Variants in GMDS observed in about 807,000 individuals in gnomAD.
GMDS encodes the protein GDP-mannose 4,6-dehydratase, also known as GDP-mannose 4,6 dehydratase.
A neutral mutation model predicts 49.9 loss-of-function variants in GMDS; 20 were observed. The observed-to-expected ratio is 0.40, with a 90% CI of 0.28 to 0.58. The LOEUF is 0.58. Ranked by LOEUF, GMDS falls within the 20% of genes least tolerant of loss-of-function variation. GMDS has a pLI of 0.42. For missense variants in GMDS, 362 were observed against 481.4 expected, an observed-to-expected ratio of 0.75 and a Z score of 2.32; for synonymous variants, 177 against 178.6, an observed-to-expected ratio of 0.99 and a Z score of 0.07.
At chr6:1,788,155 A>G (rs780869033) in intron 7 of GMDS, among the ~76,000 whole-genome samples, 1 of 152,196 alleles carries the variant, frequency 6.6e-6, no homozygotes, top group Non-Finnish European at 1.5e-5. Context: ...CATGAGTCAC[A>G]AGTAAGGGAG....
chr6:2,039,895 GTAT>G (rs1191837142), intron 4 of GMDS, among the ~76,000 whole-genome samples: 1 of 152,152 alleles, frequency 6.6e-6, no homozygotes. Flanking sequence ...TTATTATCAA[GTAT>G]TATGTACAGT....
intron 7 of GMDS, among the ~76,000 whole-genome samples, chr6:1,798,202 A>C (rs1201340595): frequency 6.6e-6 from 1 of 151,502 alleles, no homozygotes; most frequent in East Asian, 1.9e-4. Context: ...AACCTTGCTT[A>C]AATTTTGATG....
At chr6:1,905,318 C>T (rs113500106) in intron 7 of GMDS, among the ~76,000 whole-genome samples, 71 of 142,814 alleles carry the variant, frequency 5.0e-4, no homozygotes, top group South Asian at 1.4e-3. Context: ...GCTGTGGGTG[C>T]TGGCGTGTAG....
intron 9 of GMDS, among the ~76,000 whole-genome samples, chr6:1,689,787 G>GA (rs1393566434): frequency 6.6e-6 from 1 of 152,160 alleles, no homozygotes; most frequent in Non-Finnish European, 1.5e-5. Context: ...AACGTCTTCT[G>GA]AAAAATTGTA....
chr6:1,708,096 T>C (rs1290564521), intron 9 of GMDS, among the ~76,000 whole-genome samples: 1 of 152,134 alleles, frequency 6.6e-6, no homozygotes, highest in East Asian at 1.9e-4. Flanking sequence ...TTTAATGGCA[T>C]AGAAAGGAAA....
At chr6:2,223,710 G>C (rs961981423) in intron 1 of GMDS, among the ~76,000 whole-genome samples, 4 of 152,124 alleles carry the variant, frequency 2.6e-5, no homozygotes, top group Non-Finnish European at 5.9e-5. Flanking sequence ...GTCCTGCTTT[G>C]AAATAGGGTG....
Position 1,684,361 on chromosome 6 carries a change from G to A in GMDS, c.987+42055C>T, listed in dbSNP as rs75318322. Reference sequence around the variant, plus strand: ...GGGCTCACTCAAACGTATGTAACCAGAGCAATAAAAACACATGTCCACACA... The same window carrying A: ...GGGCTCACTCAAACGTATGTAACCAAAGCAATAAAAACACATGTCCACACA... On this transcript the variant is annotated intron_variant, in intron 9 of 10. Coordinates refer to ENST00000380815, the MANE Select transcript of GMDS (RefSeq NM_001500.4). 3.0e-3 allele frequency among the ~76,000 whole-genome samples: 453 copies of A among 152,236 alleles called. 2 individuals are homozygous for A. The highest frequency in any genetic ancestry group is 0.01 in the African/African-American group (428 of 41,530).
intron 4 of GMDS, among the ~76,000 whole-genome samples, chr6:1,993,054 G>C (rs1351033881): frequency 1.3e-5 from 2 of 152,166 alleles, no homozygotes; most frequent in African/African-American, 4.8e-5. Flanking sequence ...AGATCGTCCA[G>C]CTGCTTTTCC....
chr6:2,053,033 T>C (rs1055226809), intron 4 of GMDS, among the ~76,000 whole-genome samples: 2 of 152,200 alleles, frequency 1.3e-5, no homozygotes, highest in Non-Finnish European at 2.9e-5. Context: ...ACTTTTTGAT[T>C]GTTTTTTAAA....
chr6:2,121,590 G>A (rs1775141788), intron 2 of GMDS, among the ~76,000 whole-genome samples: 1 of 152,164 alleles, frequency 6.6e-6, no homozygotes, highest in African/African-American at 2.4e-5. Context: ...ACGGCTTCAG[G>A]AGTCTAAATG....
intron 7 of GMDS, among the ~76,000 whole-genome samples, chr6:1,787,757 T>C (rs890198836): frequency 2.0e-5 from 3 of 152,216 alleles, no homozygotes; most frequent in African/African-American, 7.2e-5. Flanking sequence ...ATAAGCTGCC[T>C]GAAATGCGTA....
chr6:2,164,695 C>A (rs1341121915), intron 1 of GMDS, among the ~76,000 whole-genome samples: 9 of 152,174 alleles, frequency 5.9e-5, no homozygotes, highest in Admixed American at 1.3e-4. Context: ...ACTGGGAGTT[C>A]AATTTGCATC....
At chr6:2,182,039 A>C (rs1460412979) in intron 1 of GMDS, among the ~76,000 whole-genome samples, 1 of 152,134 alleles carries the variant, frequency 6.6e-6, no homozygotes, top group Non-Finnish European at 1.5e-5. Flanking sequence ...TAAAAGTACT[A>C]CTCCAGTGTA....
chr6:1,748,961 G>T (rs1008583310), intron 7 of GMDS, among the ~76,000 whole-genome samples: 2 of 152,074 alleles, frequency 1.3e-5, no homozygotes, highest in Non-Finnish European at 2.9e-5. Flanking sequence ...TAGATTCTGG[G>T]GTAGTGCCTT....
At chr6:2,030,817 T>G (rs927171113) in intron 4 of GMDS, among the ~76,000 whole-genome samples, 6 of 152,226 alleles carry the variant, frequency 3.9e-5, no homozygotes, top group Non-Finnish European at 7.3e-5. Flanking sequence ...CAAAATGTAT[T>G]GCTTGGGACA....
chr6:1,931,038 A>T (rs1382663754), intron 6 of GMDS: 2 of 152,228 alleles, frequency 1.3e-5, no homozygotes, highest in African/African-American at 4.8e-5. Flanking sequence ...TGCTTTTTCA[A>T]AGATCACAAA....
At chr6:2,136,411 C>G (rs1297207149) in intron 1 of GMDS, among the ~76,000 whole-genome samples, 1 of 152,178 alleles carries the variant, frequency 6.6e-6, no homozygotes, top group Non-Finnish European at 1.5e-5. Context: ...AACTGGTTCA[C>G]TTTTGTTTAA....
chr6:1,991,285 C>T (rs922158603), intron 4 of GMDS, among the ~76,000 whole-genome samples: 6 of 152,106 alleles, frequency 3.9e-5, no homozygotes, highest in Admixed American at 1.3e-4. Context: ...TCCACAGCTC[C>T]GGCATTTTCA....
At chr6:1,875,434 G>A (rs1758992116) in intron 7 of GMDS, among the ~76,000 whole-genome samples, 1 of 151,848 alleles carries the variant, frequency 6.6e-6, no homozygotes, top group Non-Finnish European at 1.5e-5. Flanking sequence ...GCCACAAGAT[G>A]TATTACAGAA....
Sources: allele counts gnomAD v4.1 joint callset (sites outside exome capture counted in the v4.1 genomes callset), GRCh38; gene constraint gnomAD v4.1.1; transcripts MANE v1.5; gene names NCBI Gene and HGNC (gene_info 2026-07-23, HGNC 2026-07-21).